Variants in HCRTR2 observed in about 807,000 individuals in gnomAD.
The protein encoded by HCRTR2 is hypocretin receptor 2, also known as orexin receptor type 2.
In HCRTR2, 22 loss-of-function variants were observed where a neutral mutation model predicts 49.0. That is an observed-to-expected ratio of 0.45 (90% CI 0.32 to 0.64). The LOEUF (loss-of-function observed/expected upper bound fraction) is 0.64, where lower values mean the gene tolerates loss of function less well. HCRTR2 is among the 30% of genes least tolerant of loss of function. The pLI, the probability that HCRTR2 is intolerant of heterozygous loss-of-function variation, is 0.04. For missense variants in HCRTR2, 491 were observed against 559.4 expected (o/e 0.88, Z 1.23); for synonymous variants, 236 against 205.3 (o/e 1.15, Z -1.28).
chr6:55,231,549 T>C (rs887507795), intron 1 of HCRTR2, among the ~76,000 whole-genome samples: 1 of 152,092 alleles, frequency 6.6e-6, no homozygotes, highest in Non-Finnish European at 1.5e-5. Context: ...TTTTATAAAG[T>C]AAAAATCTGC....
intron 1 of HCRTR2, among the ~76,000 whole-genome samples, chr6:55,113,466 T>C (rs1282752299): frequency 6.6e-6 from 1 of 151,696 alleles, no homozygotes. Context: ...AAAAGTGGGC[T>C]AAGGACATGA....
chr6:55,227,910 T>G (rs900415580), intron 1 of HCRTR2, among the ~76,000 whole-genome samples: 8 of 152,188 alleles, frequency 5.3e-5, no homozygotes, highest in African/African-American at 1.9e-4. Context: ...TAACAGTGAT[T>G]ATTTTTCCTA....
At chr6:55,245,240 C>G (rs969645038) in intron 1 of HCRTR2, among the ~76,000 whole-genome samples, 1 of 151,314 alleles carries the variant, frequency 6.6e-6, no homozygotes, top group Non-Finnish European at 1.5e-5. Context: ...TTATCTAACA[C>G]AAACTCAAAA....
intron 3 of HCRTR2, among the ~76,000 whole-genome samples, chr6:55,255,871 C>A (rs1766643573): frequency 6.6e-6 from 1 of 152,150 alleles, no homozygotes; most frequent in African/African-American, 2.4e-5. Context: ...GCATGTGGTT[C>A]TCTAAGTCAA....
intron 1 of HCRTR2, among the ~76,000 whole-genome samples, chr6:55,139,323 G>T (rs528943887): frequency 8.1e-4 from 124 of 152,262 alleles, no homozygotes; most frequent in African/African-American, 2.9e-3. Flanking sequence ...CTAAAGAATA[G>T]ACTAAAATAA....
chr6:55,269,819 C>T (rs116376927), intron 4 of HCRTR2, among the ~76,000 whole-genome samples: 2,949 of 152,128 alleles, frequency 0.019, 92 homozygotes, highest in African/African-American at 0.068. Context: ...ATGAGCCAGG[C>T]ATGGTGGTGC....
chr6:55,186,697 G>A (rs1288497478), intron 1 of HCRTR2, among the ~76,000 whole-genome samples: 2 of 152,178 alleles, frequency 1.3e-5, no homozygotes, highest in Non-Finnish European at 2.9e-5. Flanking sequence ...TTTTATAAAA[G>A]TCTAAGCAAA....
At chr6:55,152,822 G>T (rs1764680942) in intron 1 of HCRTR2, among the ~76,000 whole-genome samples, 1 of 151,942 alleles carries the variant, frequency 6.6e-6, no homozygotes, top group Non-Finnish European at 1.5e-5. Flanking sequence ...ACAAATATTT[G>T]CATATGGTTA....
At chr6:55,281,687 T>G (rs965620723) in intron 6 of HCRTR2, among the ~76,000 whole-genome samples, 6 of 144,770 alleles carry the variant, frequency 4.1e-5, no homozygotes, top group Non-Finnish European at 8.8e-5. Context: ...TCTACAGTAT[T>G]TTTCCCCCTT....
At chr6:55,153,730 T>C (rs1764693600) in intron 1 of HCRTR2, among the ~76,000 whole-genome samples, 1 of 151,796 alleles carries the variant, frequency 6.6e-6, no homozygotes, top group Non-Finnish European at 1.5e-5. Context: ...TATTCAAAAC[T>C]AGGGAAAACA....
At chr6:55,125,434 A>T (rs750226037) in intron 1 of HCRTR2, among the ~76,000 whole-genome samples, 15 of 152,186 alleles carry the variant, frequency 9.9e-5, no homozygotes, top group Non-Finnish European at 2.1e-4. Flanking sequence ...GATGTTGAAT[A>T]TTGGCCTCCA....
rs150842803 is a variant in HCRTR2, at chr6:55,230,538, T to G, written c.224-18101T>G. Among the ~76,000 whole-genome samples, 1,358 of 152,294 alleles carry G rather than the reference T, an allele frequency of 8.9e-3. 12 individuals are homozygous for G. Among genetic ancestry groups the G allele is most frequent in the Admixed American group, 0.013 (192 of 15,296 alleles). ...AGTAATATGGGATGTGTTGAAAGAATACATCAAGACATTTTTCACTGTCAC... is the reference window on the plus strand; with the variant it reads ...AGTAATATGGGATGTGTTGAAAGAAGACATCAAGACATTTTTCACTGTCAC... On this transcript the variant is annotated intron_variant, in intron 1 of 6. Transcript: ENST00000370862.
At chr6:55,203,672 A>T (rs1765550062) in intron 1 of HCRTR2, among the ~76,000 whole-genome samples, 1 of 152,130 alleles carries the variant, frequency 6.6e-6, no homozygotes, top group Admixed American at 6.6e-5. Flanking sequence ...AAAAGTCTTC[A>T]GCAGGAAGGG....
intron 2 of HCRTR2, among the ~76,000 whole-genome samples, chr6:55,252,924 C>G (rs1202483782): frequency 6.6e-6 from 1 of 151,894 alleles, no homozygotes; most frequent in African/African-American, 2.4e-5. Context: ...CACTTATATG[C>G]CAGCCCTGGA....
chr6:55,268,403 G>T (rs1444533252), intron 4 of HCRTR2, among the ~76,000 whole-genome samples: 4 of 151,930 alleles, frequency 2.6e-5, no homozygotes, highest in Admixed American at 2.6e-4. Flanking sequence ...AAAGGGCATA[G>T]ATTGACATAA....
At chr6:55,184,717 C>A (rs1311693396) in intron 1 of HCRTR2, among the ~76,000 whole-genome samples, 1 of 152,156 alleles carries the variant, frequency 6.6e-6, no homozygotes, top group Non-Finnish European at 1.5e-5. Context: ...CTTTTATTTG[C>A]TGTTCCTAGT....
chr6:55,159,106 A>G (rs940267206), intron 1 of HCRTR2, among the ~76,000 whole-genome samples: 1 of 152,104 alleles, frequency 6.6e-6, no homozygotes, highest in African/African-American at 2.4e-5. Flanking sequence ...TTCGAGAGGA[A>G]GGAGCAGGCA....
At chr6:55,156,598 C>T (rs528484266) in intron 1 of HCRTR2, among the ~76,000 whole-genome samples, 27 of 151,950 alleles carry the variant, frequency 1.8e-4, no homozygotes, top group African/African-American at 6.5e-4. Flanking sequence ...CACAAGCACA[C>T]ACACACACAC....
At chr6:55,244,192 A>G (rs557324041) in intron 1 of HCRTR2, among the ~76,000 whole-genome samples, 6 of 152,180 alleles carry the variant, frequency 3.9e-5, no homozygotes, top group Non-Finnish European at 2.9e-5. Context: ...AGAATTTTGT[A>G]CTGTCCAGGA....
Sources: gnomAD v4.1 joint callset for allele counts (sites outside exome capture counted in the v4.1 genomes callset) on GRCh38, gnomAD v4.1.1 for gene constraint, MANE v1.5 for transcripts, NCBI Gene and HGNC (gene_info 2026-07-23, HGNC 2026-07-21) for gene names.